The following PDZD4 variants were observed in gnomAD, a reference collection of about 807,000 sequenced individuals.
The protein encoded by PDZD4 is PDZ domain containing 4.
In PDZD4, 9 loss-of-function variants were observed where a neutral mutation model predicts 38.5. That is an observed-to-expected ratio of 0.23 (90% confidence interval 0.14 to 0.41). The LOEUF (loss-of-function observed/expected upper bound fraction) is 0.41. PDZD4 is among the 10% of genes least tolerant of loss of function. PDZD4 has a pLI of 1.00. For synonymous variants in PDZD4, 349 were observed against 315.7 expected (o/e 1.11, Z -1.12); for missense variants, 612 against 722.0 (o/e 0.85, Z 1.75).
At chrX:153,814,082 G>A (rs199607936) in intron 1 of PDZD4, among the ~76,000 whole-genome samples, 1 of 110,881 alleles carries the variant, frequency 9.0e-6, no homozygotes, top group East Asian at 2.9e-4. Flanking sequence ...GGCTAGTCTC[G>A]AACTCCTGGG....
chrX:153,824,728 GTGGCTCACTCCTGTAATCC>G, intron 1 of PDZD4, among the ~76,000 whole-genome samples: 1 of 112,246 alleles, frequency 8.9e-6, no homozygotes, highest in Non-Finnish European at 1.9e-5. Flanking sequence ...GCCAGGCGTG[GTGGCTCACTCCTGTAATCC>G]CAGCACTTTG....
chrX:153,803,306 G>A lies in PDZD4; in HGVS notation c.*47C>T. ...TCTCTATAGGAGAGTGAGGGCCGGG[G>A]CCCCAGGGGGTTCCCTGGGCCTGGG... is the stretch of plus-strand genomic sequence containing the variant. On this transcript the variant is annotated 3_prime_UTR_variant, in exon 8 of 8. Coordinates refer to ENST00000393758, the MANE Select transcript of PDZD4 (RefSeq NM_001303512.2). 1.0e-5 allele frequency: 11 copies of A among 1,081,531 alleles called. No individual in the cohort carries two copies. Among genetic ancestry groups the A allele is most frequent in the Non-Finnish European group, 1.3e-5 (11 of 829,000 alleles). 89.1% of individuals were successfully genotyped at this position (1,081,531 alleles called of 1,213,427 possible). A position where few individuals can be genotyped will look rare whatever the true frequency, so the allele number is the denominator to read the frequency against.
At chrX:153,811,256 C>T (rs188895110) in intron 1 of PDZD4, among the ~76,000 whole-genome samples, 3 of 111,775 alleles carry the variant, frequency 2.7e-5, no homozygotes, top group East Asian at 5.6e-4. Context: ...CCTGCCTCAG[C>T]CTCCCCAATA....
chrX:153,805,973 T>G, intron 5 of PDZD4, 98 bp downstream of exon 5: 1 of 951,045 alleles, frequency 1.1e-6, no homozygotes, highest in Non-Finnish European at 1.5e-6. Context: ...CAGGGTTAGC[T>G]CTTAGTGGGA....
chrX:153,826,069 T>C (rs1478895848), intron 1 of PDZD4, among the ~76,000 whole-genome samples: 1 of 109,479 alleles, frequency 9.1e-6, no homozygotes, highest in Admixed American at 9.7e-5. Context: ...ATACAAAAAT[T>C]AGCTGGGTGT....
Position 153,806,844 on chromosome X carries a change from C to T in PDZD4, c.406-4G>A, listed in dbSNP as rs1557077237. ...TGCTTTTATACAGCTCCACCTCCTG[C>T]CACGAGGGGTCCGGGAGGAAGCAGA... On this transcript the variant is annotated splice_polypyrimidine_tract_variant and splice_region_variant and intron_variant, in intron 3 of 7. Coordinates refer to ENST00000393758, the MANE Select transcript of PDZD4 (RefSeq NM_001303512.2). 1 of 1,201,333 alleles carries T rather than the reference C, an allele frequency of 8.3e-7. No individual in the cohort carries two copies. The highest frequency in any genetic ancestry group is 3.0e-5 in the East Asian group (1 of 33,727).
intron 1 of PDZD4, among the ~76,000 whole-genome samples, chrX:153,810,712 C>G (rs1407281125): frequency 8.9e-6 from 1 of 112,386 alleles, no homozygotes; most frequent in African/African-American, 3.2e-5. Flanking sequence ...TCTTAGTGCC[C>G]GCGATACAGT....
chrX:153,823,231 A>T (rs1465857757), intron 1 of PDZD4, among the ~76,000 whole-genome samples: 1 of 102,335 alleles, frequency 9.8e-6, no homozygotes, highest in East Asian at 3.0e-4. Flanking sequence ...ATATATATAT[A>T]TATTTTTTTT....
rs782481781 is a variant in PDZD4 at position 153,829,798 on chromosome X, G to A, written c.60+441C>T. 30 of 756,273 alleles carry A rather than the reference G, an allele frequency of 4.0e-5. No homozygotes were observed. The South Asian group carries it at 1.8e-3, about 46-fold the overall frequency. The allele number at this position is 756,273 out of a possible 1,213,427, so 62.3% of individuals were successfully genotyped here. A position where few individuals can be genotyped will look rare whatever the true frequency, so the allele number is the denominator to read the frequency against. Reference sequence around the variant, plus strand: ...GCCAGGCGGGAGTGGGTGTCGGGGTGGGCACCCAGCCCCCGGACGGACTTG... The same window carrying A: ...GCCAGGCGGGAGTGGGTGTCGGGGTAGGCACCCAGCCCCCGGACGGACTTG... On this transcript the variant is annotated intron_variant, in intron 1 of 7. Coordinates refer to ENST00000393758, the MANE Select transcript of PDZD4 (RefSeq NM_001303512.2).
Position 153,804,290 on chromosome X carries a change from T to G in PDZD4, c.1391A>C (p.Glu464Ala). Residue 464 changes from glutamate to alanine, a missense_variant, in exon 8 of 8, where the codon GAG becomes GCG. Coordinates refer to ENST00000393758, the MANE Select transcript of PDZD4 (RefSeq NM_001303512.2). ...GTCCTTGTCCGACTTCTCGGGCAGCTCGGAGATGTCGGACAGCTCGTGCTT... is the reference window on the plus strand; with the variant it reads ...GTCCTTGTCCGACTTCTCGGGCAGCGCGGAGATGTCGGACAGCTCGTGCTT... ...PKKHELSDISELPEKSDKDST... is the reference protein window; with the variant it reads ...PKKHELSDISALPEKSDKDST... 5.8e-6 allele frequency: 7 copies of G among 1,207,938 alleles called. No homozygotes were observed. Among genetic ancestry groups the G allele is most frequent in the Non-Finnish European group, 7.8e-6 (7 of 894,627 alleles).
At chrX:153,804,923 G>C (rs782695666) in intron 7 of PDZD4, 23 bp from the exon 8 acceptor site, 56 of 1,182,248 alleles carry the variant, frequency 4.7e-5, no homozygotes, top group Non-Finnish European at 6.2e-5. Flanking sequence ...GGTAAGTACC[G>C]CTCAGTTAGG....
rs1276121718 is a variant in PDZD4 at position 153,804,407 on chromosome X, G to A, written c.1274C>T (p.Ala425Val). The A allele has an allele frequency of 4.1e-6, 5 of 1,208,574 alleles. No individual in the cohort carries two copies. Among genetic ancestry groups the A allele is most frequent in the Non-Finnish European group, 5.6e-6 (5 of 895,321 alleles). The change falls in exon 8 of 8, where the codon GCG (alanine) becomes GTG (valine). Residue 425 changes from alanine to valine, a missense_variant. Around this residue, in one of 3 missense-constraint regions of PDZD4, gnomAD observed 300 missense variants for 284.6 expected, o/e 1.05. Coordinates refer to ENST00000393758, the MANE Select transcript of PDZD4 (RefSeq NM_001303512.2). ...CTCACGCAGCTGCTGCATCTTCTGC[G>A]CCCGCAGTATGTTGCGGCACTTGAA... ...LEFKCRNILR[A>V]QKMQQLRERC...
At chrX:153,809,357 C>T (rs1228448501) in intron 1 of PDZD4, among the ~76,000 whole-genome samples, 3 of 112,599 alleles carry the variant, frequency 2.7e-5, no homozygotes, top group Non-Finnish European at 5.6e-5. Context: ...GAGGCCTAGG[C>T]GGGCAGATCA....
chrX:153,819,202 G>A (rs1435738322), intron 1 of PDZD4, among the ~76,000 whole-genome samples: 1 of 112,816 alleles, frequency 8.9e-6, no homozygotes, highest in Non-Finnish European at 1.9e-5. Context: ...CAGGACTCCT[G>A]CCCGCCCGCC....
In PDZD4 at chrX:153,803,537, T is replaced by C; in HGVS notation, c.2144A>G (p.Gln715Arg). ...CTCGGGCTTGCTGTCGCCATTCTGC[T>C]GCTCCCGCAGGCACTCCAGCCGGCT... ...MQSRLECLRE[Q>R]QNGDSKPELN... The change falls in exon 8 of 8, where the codon CAG (glutamine) becomes CGG (arginine). Residue 715 changes from glutamine to arginine, a missense_variant. Transcript: ENST00000393758. The C allele has an allele frequency of 3.3e-6, 4 of 1,203,855 alleles. No homozygotes were observed. Among genetic ancestry groups the C allele is most frequent in the South Asian group, 1.8e-5 (1 of 56,052 alleles).
At chrX:153,807,229 G>C in intron 3 of PDZD4, 50 bp downstream of exon 3, 2 of 1,160,802 alleles carry the variant, frequency 1.7e-6, no homozygotes, top group Non-Finnish European at 2.3e-6. Flanking sequence ...ACAGGCGTCG[G>C]GGCGGCTCCC....
chrX:153,811,869 G>A, intron 1 of PDZD4, among the ~76,000 whole-genome samples: 1 of 112,045 alleles, frequency 8.9e-6, no homozygotes, highest in Non-Finnish European at 1.9e-5. Flanking sequence ...TAGACAAAGG[G>A]ACATGATGGA....
At position 153,803,146 on chromosome X, in the gene PDZD4, G is replaced by A. The variant is rs2092184062; in HGVS notation, c.*207C>T. 3 of 310,276 alleles carry A rather than the reference G, an allele frequency of 9.7e-6. No individual in the cohort carries two copies. The highest frequency in any genetic ancestry group is 1.1e-4 in the Admixed American group (2 of 18,069). The allele number at this position is 310,276 out of a possible 1,213,427, so 25.6% of individuals were successfully genotyped here. A position where few individuals can be genotyped will look rare whatever the true frequency, so the allele number is the denominator to read the frequency against. On this transcript the variant is annotated 3_prime_UTR_variant, in exon 8 of 8. Coordinates refer to ENST00000393758, the MANE Select transcript of PDZD4 (RefSeq NM_001303512.2). ...GGCCACTGGCATGGTCACTTTACTT[G>A]GGCAGAAGGAAGAAAAGCGTCCCTT...
chrX:153,807,316 G>A lies in PDZD4; in HGVS notation c.368C>T (p.Pro123Leu), dbSNP rs1472463898. 1.7e-6 allele frequency: 2 copies of A among 1,209,091 alleles called. No individual in the cohort carries two copies. Among genetic ancestry groups the A allele is most frequent in the Non-Finnish European group, 2.2e-6 (2 of 894,791 alleles). The change falls in exon 3 of 8, where the codon CCG becomes CTG. Residue 123 changes from proline (P) to leucine (L), a missense_variant. Pro to Leu is a moderately conservative substitution (Grantham distance 98, BLOSUM62 -3). This residue lies in a region of PDZD4 where 225 missense variants were observed against 311.0 expected (regional missense o/e 0.72). Transcript: ENST00000393758. ...CTCATCCAAGCGGTCTGCCTCCTGC[G>A]GGCCGCCCTCCATAAACTCCGCCGG... ...YDPAEFMEGG[P>L]QEADRLDELE... is the part of the protein sequence containing the mutation.
Sources: gnomAD v4.1 joint callset for allele counts (sites outside exome capture counted in the v4.1 genomes callset) on GRCh38, gnomAD v4.1.1 for gene constraint, gnomAD v4.1.1 regional missense constraint, MANE v1.5 for transcripts, NCBI Gene and HGNC (gene_info 2026-07-23, HGNC 2026-07-21) for gene names.